The following COQ10B variants were observed in gnomAD, a reference collection of about 807,000 sequenced individuals.
The protein encoded by COQ10B is coenzyme Q-binding protein COQ10 homolog B, mitochondrial.
COQ10B carries 12 observed loss-of-function variants against 27.6 expected under a neutral mutation model. The ratio of observed to expected loss-of-function variants is 0.43; its 90% CI spans 0.28 to 0.70. COQ10B has a LOEUF of 0.70. COQ10B is among the 30% of genes least tolerant of loss of function. The probability of loss-of-function intolerance (pLI) is 0.17; values close to 1 mark genes in which losing one functional copy is unlikely to be tolerated. For missense variants in COQ10B, 278 were observed against 288.7 expected, an observed-to-expected ratio of 0.96 and a Z score of 0.27; for synonymous variants, 115 against 103.0, an observed-to-expected ratio of 1.12 and a Z score of -0.71.
intron 3 of COQ10B, among the ~76,000 whole-genome samples, chr2:197,463,569 C>T (rs2085784190): frequency 6.6e-6 from 1 of 150,996 alleles, no homozygotes; most frequent in Non-Finnish European, 1.5e-5. Flanking sequence ...GATTAAGCCA[C>T]TACACTTCAG....
At chr2:197,471,370 G>C (rs546020121) in intron 4 of COQ10B, among the ~76,000 whole-genome samples, 2 of 152,084 alleles carry the variant, frequency 1.3e-5, no homozygotes, top group East Asian at 3.9e-4. Context: ...TCGAACTTCT[G>C]GGCTCAGGAG....
chr2:197,453,920 A>G (rs565471899), intron 1 of COQ10B: 63 of 1,532,900 alleles, frequency 4.1e-5, no homozygotes, highest in South Asian at 2.9e-4. Flanking sequence ...TTTGGAAGCA[A>G]TTTGGCCATT....
chr2:197,457,595 A>G (rs1318255383), intron 1 of COQ10B, among the ~76,000 whole-genome samples: 1 of 151,460 alleles, frequency 6.6e-6, no homozygotes, highest in Non-Finnish European at 1.5e-5. Flanking sequence ...AAGTTTACCC[A>G]TATACAGTTT....
chr2:197,472,218 A>C (rs1402472852), intron 4 of COQ10B, among the ~76,000 whole-genome samples: 1 of 152,130 alleles, frequency 6.6e-6, no homozygotes, highest in Non-Finnish European at 1.5e-5. Flanking sequence ...TCCTTAAAAC[A>C]CAGTTCTCAA....
intron 3 of COQ10B, among the ~76,000 whole-genome samples, 197 bp from the exon 4 acceptor site, chr2:197,469,872 GA>G (rs374357908): frequency 2.1e-3 from 298 of 138,654 alleles, no homozygotes; most frequent in Non-Finnish European, 2.2e-3. Context: ...ATCCCTGCAG[GA>G]AAAAAAAAAA....
intron 1 of COQ10B, among the ~76,000 whole-genome samples, chr2:197,457,844 A>C (rs1347187945): frequency 6.6e-6 from 1 of 150,578 alleles, no homozygotes; most frequent in African/African-American, 2.4e-5. Context: ...CTGGTCTTGA[A>C]CTCCTGACCT....
intron 4 of COQ10B, among the ~76,000 whole-genome samples, chr2:197,470,751 C>T (rs959208449): frequency 2.0e-5 from 3 of 152,030 alleles, no homozygotes; most frequent in Non-Finnish European, 4.4e-5. Context: ...AAAAATTAGC[C>T]GGGCGTGGTG....
rs749237126 is a variant in COQ10B at position 197,462,687 on chromosome 2, C to T, written c.403C>T (p.Arg135Ter). ...AATTGGATTTCCACCTGTGTTGGAG[C>T]GATATACATCAGTAGTAACCTTGGT... is the stretch of plus-strand genomic sequence containing the variant. ...LEIGFPPVLE[R>*]YTSVVTLVKP... The change falls in exon 3 of 5, where the codon CGA (arginine) becomes TGA (stop). Residue 135 changes from arginine (R) to a stop codon, truncating the protein, a stop_gained. Coordinates refer to ENST00000263960, the MANE Select transcript of COQ10B (RefSeq NM_025147.5). LOFTEE classifies it high-confidence loss of function. 5.6e-6 allele frequency: 9 copies of T among 1,594,976 alleles called. No homozygotes were observed. The highest frequency in any genetic ancestry group is 4.1e-5 in the African/African-American group (3 of 73,942).
chr2:197,460,652 A>G (rs867885422), intron 2 of COQ10B, among the ~76,000 whole-genome samples: 1 of 152,200 alleles, frequency 6.6e-6, no homozygotes, highest in Non-Finnish European at 1.5e-5. Context: ...ACATTGGGCC[A>G]TATGTTTACA....
At chr2:197,464,963 G>C (rs1293344444) in intron 3 of COQ10B, among the ~76,000 whole-genome samples, 1 of 149,714 alleles carries the variant, frequency 6.7e-6, no homozygotes, top group Non-Finnish European at 1.5e-5. Flanking sequence ...TTGGCTCACT[G>C]CAAGCTCCGC....
intron 1 of COQ10B, among the ~76,000 whole-genome samples, chr2:197,455,107 A>C (rs747111837): frequency 1.3e-4 from 19 of 151,984 alleles, no homozygotes; most frequent in Non-Finnish European, 2.4e-4. Context: ...TTGTAATCAG[A>C]TTGTGTAAGG....
chr2:197,473,517 T>TACGTATATATATAC (rs2085914907), intron 4 of COQ10B, among the ~76,000 whole-genome samples: 1 of 140,582 alleles, frequency 7.1e-6, no homozygotes, highest in Non-Finnish European at 1.5e-5. Flanking sequence ...CGTATATATA[T>TACGTATATATATAC]ACACACACAC....
chr2:197,461,417 C>CT (rs2085756283), intron 2 of COQ10B, among the ~76,000 whole-genome samples: 1 of 152,152 alleles, frequency 6.6e-6, no homozygotes, highest in African/African-American at 2.4e-5. Context: ...GAAATGAGGA[C>CT]TGGGAATTGT....
chr2:197,470,731 G>A (rs2085869032), intron 4 of COQ10B, among the ~76,000 whole-genome samples: 1 of 152,058 alleles, frequency 6.6e-6, no homozygotes, highest in Non-Finnish European at 1.5e-5. Context: ...CCCGTCTCTA[G>A]TAAAAATACA....
intron 1 of COQ10B, among the ~76,000 whole-genome samples, chr2:197,456,776 T>C (rs2085703976): frequency 6.7e-6 from 1 of 150,162 alleles, no homozygotes; most frequent in Non-Finnish European, 1.5e-5. Context: ...AAAAAATAAA[T>C]AAGTAAAAAA....
rs990013884 is a variant in COQ10B at position 197,453,933 on chromosome 2, T to C, written c.104+269T>C. On this transcript the variant is annotated intron_variant, in intron 1 of 4. Coordinates refer to ENST00000263960, the MANE Select transcript of COQ10B (RefSeq NM_025147.5). ...ACTTTGGAAGCAATTTGGCCATTGG[T>C]GCCTTTGGGCTCTTCCGGTCTCCTC... The C allele has an allele frequency of 5.2e-6, 8 of 1,543,906 alleles. No homozygotes were observed. The African/African-American group carries it at 1.1e-4, about 21-fold the overall frequency.
rs2085671027 is a variant in COQ10B at position 197,454,172 on chromosome 2, G to A, written c.104+508G>A. 27 of 1,519,608 alleles carry A rather than the reference G, an allele frequency of 1.8e-5. 1 individual carries two copies. In the South Asian group the frequency reaches 3.3e-4, roughly 18 times the overall value. The allele number at this position is 1,519,608 out of a possible 1,614,324, so 94.1% of individuals were successfully genotyped here. On this transcript the variant is annotated intron_variant, in intron 1 of 4. Coordinates refer to ENST00000263960, the MANE Select transcript of COQ10B (RefSeq NM_025147.5). Reference sequence around the variant, plus strand: ...AAAACTAAATACAGCCAGCATAAGGGACTTGGATTTTTTCACTCTGCTGTA... The same window carrying A: ...AAAACTAAATACAGCCAGCATAAGGAACTTGGATTTTTTCACTCTGCTGTA...
chr2:197,464,052 C>CGT (rs1491090410), intron 3 of COQ10B, among the ~76,000 whole-genome samples: 9 of 67,434 alleles, frequency 1.3e-4, no homozygotes, highest in South Asian at 7.1e-4. Flanking sequence ...TATATATATA[C>CGT]GTATATATAT....
intron 1 of COQ10B, chr2:197,454,076 A>T: frequency 6.4e-7 from 1 of 1,551,104 alleles, no homozygotes; most frequent in Non-Finnish European, 8.7e-7. Context: ...GGTTCCTTCT[A>T]CCTGCCAGAT....
Sources: allele counts gnomAD v4.1 joint callset (sites outside exome capture counted in the v4.1 genomes callset), GRCh38; gene constraint gnomAD v4.1.1; transcripts MANE v1.5; gene names NCBI Gene and HGNC (gene_info 2026-07-23, HGNC 2026-07-21).